The following GPC6 variants were observed in gnomAD, a reference collection of about 807,000 sequenced individuals.
GPC6 encodes the protein glypican-6.
Under a neutral mutation model 55.2 loss-of-function variants are expected in GPC6, and 14 were observed. That is an observed-to-expected ratio of 0.25 (90% CI 0.17 to 0.40). The LOEUF is 0.40. Among genes scored for constraint, GPC6 ranks in the 10% least tolerant of loss-of-function variants. GPC6 has a pLI of 1.00. For missense variants in GPC6, 641 were observed against 708.5 expected (o/e 0.90, Z 1.08); for synonymous variants, 278 against 259.6 (o/e 1.07, Z -0.68).
rs150709605 is a variant in GPC6, at chr13:94,003,335, A to T, written c.712-24394A>T. 5.9e-5 allele frequency among the ~76,000 whole-genome samples: 9 copies of T among 152,302 alleles called. No homozygotes were observed. In the East Asian group the frequency reaches 1.7e-3, roughly 29 times the overall value. ...ACTTAAAAAAGTTTGAACCTTGTAA[A>T]TCAGCCCTGTGAATGATGCACACTG... On this transcript the variant is annotated intron_variant, in intron 3 of 8. Coordinates refer to ENST00000377047, the MANE Select transcript of GPC6 (RefSeq NM_005708.5).
At chr13:93,296,896 G>A (rs1424289191) in intron 1 of GPC6, among the ~76,000 whole-genome samples, 2 of 152,142 alleles carry the variant, frequency 1.3e-5, no homozygotes, top group Non-Finnish European at 2.9e-5. Context: ...GTTATGAGGA[G>A]GTTCAAACAT....
chr13:93,557,299 G>A (rs2139453082), intron 2 of GPC6, among the ~76,000 whole-genome samples: 1 of 152,152 alleles, frequency 6.6e-6, no homozygotes, highest in East Asian at 1.9e-4. Flanking sequence ...ACTTCGGACT[G>A]CTTTTTCCAT....
intron 1 of GPC6, among the ~76,000 whole-genome samples, chr13:93,330,300 G>T (rs1178749435): frequency 6.6e-6 from 1 of 152,126 alleles, no homozygotes; most frequent in Non-Finnish European, 1.5e-5. Context: ...CAGGGTAGGA[G>T]GACTGCTTGA....
chr13:93,464,391 C>T (rs185649451), intron 1 of GPC6, among the ~76,000 whole-genome samples: 28 of 152,310 alleles, frequency 1.8e-4, no homozygotes, highest in African/African-American at 6.7e-4. Context: ...TCAATTCTTT[C>T]AGACCCTGCT....
intron 3 of GPC6, among the ~76,000 whole-genome samples, chr13:93,943,405 A>G (rs1878832208): frequency 3.9e-5 from 6 of 152,274 alleles, no homozygotes; most frequent in African/African-American, 1.2e-4. Flanking sequence ...TGACAGAGCT[A>G]GAAATGTATA....
intron 1 of GPC6, among the ~76,000 whole-genome samples, chr13:93,512,834 T>C (rs887123681): frequency 2.6e-5 from 4 of 152,112 alleles, no homozygotes; most frequent in Admixed American, 2.6e-4. Flanking sequence ...AACAATAATA[T>C]GCTAAAAGGA....
intron 2 of GPC6, among the ~76,000 whole-genome samples, chr13:93,697,030 C>T (rs1162517935): frequency 6.6e-6 from 1 of 152,118 alleles, no homozygotes; most frequent in Non-Finnish European, 1.5e-5. Flanking sequence ...TCCCTTTCTC[C>T]ATACATCTTC....
At chr13:93,422,845 T>A (rs1371325530) in intron 1 of GPC6, among the ~76,000 whole-genome samples, 4 of 152,206 alleles carry the variant, frequency 2.6e-5, no homozygotes, top group African/African-American at 4.8e-5. Flanking sequence ...CTGCTCTTGA[T>A]GGTTCTAGTT....
At chr13:93,460,535 TTGA>T (rs1176816097) in intron 1 of GPC6, among the ~76,000 whole-genome samples, 3 of 152,204 alleles carry the variant, frequency 2.0e-5, no homozygotes, top group African/African-American at 7.2e-5. Context: ...CATTTTCTAC[TTGA>T]TGAAATATCA....
At chr13:94,057,328 C>A (rs190606339) in intron 4 of GPC6, among the ~76,000 whole-genome samples, 1 of 152,020 alleles carries the variant, frequency 6.6e-6, no homozygotes, top group African/African-American at 2.4e-5. Context: ...TAGTTCTATT[C>A]GGGAGTGAAA....
chr13:93,280,175 G>T (rs573455173), intron 1 of GPC6, among the ~76,000 whole-genome samples: 6 of 152,232 alleles, frequency 3.9e-5, no homozygotes, highest in Admixed American at 6.5e-5. Flanking sequence ...CATGTGGGGG[G>T]GGCCAGACCA....
chr13:93,249,789 G>T (rs1372963289), intron 1 of GPC6, among the ~76,000 whole-genome samples: 1 of 152,198 alleles, frequency 6.6e-6, no homozygotes, highest in Non-Finnish European at 1.5e-5. Context: ...CCTTTGGGAA[G>T]TTGTGAGCTG....
intron 4 of GPC6, among the ~76,000 whole-genome samples, chr13:94,059,704 G>A (rs1178495972): frequency 6.6e-6 from 1 of 151,726 alleles, no homozygotes; most frequent in Non-Finnish European, 1.5e-5. Context: ...CCCGCTGCTT[G>A]CTTTATATAA....
intron 1 of GPC6, among the ~76,000 whole-genome samples, chr13:93,324,550 A>G (rs1399217865): frequency 1.4e-5 from 2 of 142,400 alleles, no homozygotes; most frequent in Non-Finnish European, 3.0e-5. Flanking sequence ...GTGTGTATAT[A>G]TATATATGTG....
chr13:94,096,426 T>C (rs1885660565), intron 4 of GPC6, among the ~76,000 whole-genome samples: 2 of 152,146 alleles, frequency 1.3e-5, no homozygotes, highest in African/African-American at 4.8e-5. Context: ...ATCCTGCCCT[T>C]AGCCGGGCTC....
chr13:93,244,796 G>A lies in GPC6; in HGVS notation c.160+17180G>A, dbSNP rs180827784. Among the ~76,000 whole-genome samples, 13 of 152,222 alleles carry A rather than the reference G, an allele frequency of 8.5e-5. No homozygotes were observed. In the East Asian group the frequency reaches 2.5e-3, roughly 29 times the overall value. Reference sequence around the variant, plus strand: ...TACTGCTCCTTTCACAGTATCCAAAGTTTCTTTCACTTTTTCTCTTGAGTT... The same window carrying A: ...TACTGCTCCTTTCACAGTATCCAAAATTTCTTTCACTTTTTCTCTTGAGTT... On this transcript the variant is annotated intron_variant, in intron 1 of 8. Coordinates refer to ENST00000377047, the MANE Select transcript of GPC6 (RefSeq NM_005708.5).
intron 3 of GPC6, among the ~76,000 whole-genome samples, chr13:93,932,831 G>C (rs1353015310): frequency 6.6e-6 from 1 of 152,110 alleles, no homozygotes; most frequent in African/African-American, 2.4e-5. Flanking sequence ...TAGGGCCACT[G>C]TAACAAATGA....
rs563126845 is a variant in GPC6, at chr13:93,259,621, T to C, written c.160+32005T>C. The stretch of plus-strand genomic sequence containing the variant: ...GTCTTATTTTTCCTGTGAGTTCTTT[T>C]TCCAGTCAGTTTGTTATTATAGGGA... On this transcript the variant is annotated intron_variant, in intron 1 of 8. Coordinates refer to ENST00000377047, the MANE Select transcript of GPC6 (RefSeq NM_005708.5). 5.9e-5 allele frequency among the ~76,000 whole-genome samples: 9 copies of C among 152,216 alleles called. No homozygotes were observed. The South Asian group carries it at 1.9e-3, about 32-fold the overall frequency.
At chr13:94,337,465 TGAGG>T (rs1257706224) in intron 6 of GPC6, among the ~76,000 whole-genome samples, 1 of 152,120 alleles carries the variant, frequency 6.6e-6, no homozygotes, top group African/African-American at 2.4e-5. Context: ...TTTCCTTTTT[TGAGG>T]TGGAGTCTCC....
Sources: allele counts gnomAD v4.1 joint callset (sites outside exome capture counted in the v4.1 genomes callset), GRCh38; gene constraint gnomAD v4.1.1; transcripts MANE v1.5; gene names NCBI Gene and HGNC (gene_info 2026-07-23, HGNC 2026-07-21).